ANKIB1: variants seen among roughly 807,000 people sequenced by gnomAD.
The protein encoded by ANKIB1 is ankyrin repeat and IBR domain containing 1.
In ANKIB1, 43 loss-of-function variants were observed where a neutral mutation model predicts 122.1. The ratio of observed to expected loss-of-function variants is 0.35; its 90% CI spans 0.28 to 0.45. ANKIB1 has a LOEUF of 0.45. Ranked by LOEUF, ANKIB1 falls within the 20% of genes least tolerant of loss-of-function variation. The probability of loss-of-function intolerance (pLI) is 1.00; values close to 1 mark genes in which losing one functional copy is unlikely to be tolerated. For missense variants in ANKIB1, 992 were observed against 1,329.5 expected (o/e 0.75, Z 3.95); for synonymous variants, 390 against 442.0 (o/e 0.88, Z 1.48).
chr7:92,369,160 G>A (rs1157097008), intron 10 of ANKIB1, among the ~76,000 whole-genome samples: 2 of 152,086 alleles, frequency 1.3e-5, no homozygotes, highest in East Asian at 3.8e-4. Flanking sequence ...CCACAGCTTG[G>A]CCTTATTAGC....
intron 1 of ANKIB1, among the ~76,000 whole-genome samples, chr7:92,279,096 A>T (rs1316318601): frequency 6.6e-6 from 1 of 152,182 alleles, no homozygotes; most frequent in African/African-American, 2.4e-5. Flanking sequence ...TACAGCCTAG[A>T]TCCTTTGTGT....
At chr7:92,369,041 T>G (rs2115630212) in intron 10 of ANKIB1, among the ~76,000 whole-genome samples, 1 of 152,328 alleles carries the variant, frequency 6.6e-6, no homozygotes, top group East Asian at 1.9e-4. Flanking sequence ...ATGTTGATGC[T>G]GAAAGAAGAA....
intron 4 of ANKIB1, among the ~76,000 whole-genome samples, chr7:92,326,204 T>C (rs1803024684): frequency 6.6e-6 from 1 of 152,218 alleles, no homozygotes; most frequent in Non-Finnish European, 1.5e-5. Flanking sequence ...AGTTTAAAAC[T>C]GCGTGCATTT....
At chr7:92,248,892 T>C (rs867009138) in intron 1 of ANKIB1, among the ~76,000 whole-genome samples, 40 of 146,328 alleles carry the variant, frequency 2.7e-4, no homozygotes, top group African/African-American at 9.5e-4. Context: ...TTCTTTCTTT[T>C]TTTTTTTTTT....
intron 1 of ANKIB1, among the ~76,000 whole-genome samples, chr7:92,266,418 T>C (rs1443477439): frequency 6.6e-6 from 1 of 152,160 alleles, no homozygotes; most frequent in Admixed American, 6.5e-5. Context: ...GAGCAACCAT[T>C]ACCACTAGGC....
rs556026348 is a variant in ANKIB1, at chr7:92,358,333, C to G, written c.1398-3852C>G. Among the ~76,000 whole-genome samples the G allele has an allele frequency of 1.2e-3, 177 of 152,110 alleles. 1 individual carries two copies. The highest frequency in any genetic ancestry group is 4.0e-3 in the African/African-American group (167 of 41,508). ...ATAAGCTGCTGCTTTTTTTTATATC[C>G]TTTCTTAGTATTGCATTGGAAACTG... On this transcript the variant is annotated intron_variant, in intron 9 of 19. Transcript: ENST00000265742.
intron 4 of ANKIB1, 112 bp from the exon 5 acceptor site, chr7:92,327,671 G>A (rs967740722): frequency 1.5e-5 from 7 of 457,104 alleles, no homozygotes; most frequent in South Asian, 1.2e-4. Flanking sequence ...GATCCAATCC[G>A]TGGAATGTGG....
At chr7:92,266,986 G>A (rs60522228) in intron 1 of ANKIB1, among the ~76,000 whole-genome samples, 22,111 of 152,094 alleles carry the variant, frequency 0.15, 2,013 homozygotes, top group East Asian at 0.38. Flanking sequence ...GAGAGGCAGT[G>A]AGTTGACAGT....
chr7:92,384,988 TG>T (rs1436595162), intron 11 of ANKIB1, among the ~76,000 whole-genome samples: 4 of 152,336 alleles, frequency 2.6e-5, no homozygotes, highest in African/African-American at 9.6e-5. Context: ...ATTACCCATC[TG>T]ACAAGGGGCT....
At chr7:92,284,378 A>T (rs1295943206) in intron 1 of ANKIB1, among the ~76,000 whole-genome samples, 1 of 152,134 alleles carries the variant, frequency 6.6e-6, no homozygotes, top group African/African-American at 2.4e-5. Flanking sequence ...GGCCTTCTTT[A>T]TTGTCAGTTG....
intron 4 of ANKIB1, among the ~76,000 whole-genome samples, chr7:92,325,188 G>T (rs1332746731): frequency 6.6e-6 from 1 of 152,180 alleles, no homozygotes; most frequent in Non-Finnish European, 1.5e-5. Flanking sequence ...GCAATATGCT[G>T]CTATGAAAGC....
At chr7:92,312,881 TGA>T (rs1394323510) in intron 3 of ANKIB1, among the ~76,000 whole-genome samples, 1 of 152,142 alleles carries the variant, frequency 6.6e-6, no homozygotes, top group Non-Finnish European at 1.5e-5. Context: ...TCTTAGTTAC[TGA>T]GAGTTTTTGT....
At chr7:92,393,963 G>A (rs191751414) in intron 17 of ANKIB1, among the ~76,000 whole-genome samples, 20 of 152,134 alleles carry the variant, frequency 1.3e-4, no homozygotes, top group Admixed American at 9.8e-4. Context: ...ATTTTTTTCA[G>A]TGAAGTTAAT....
Position 92,398,784 on chromosome 7 carries a change from C to G in ANKIB1, c.3105C>G (p.Thr1035=). ...EDASVSEGRG[T]QIEENPLEEN... ...CCAGTGTCAGTGAAGGTAGAGGAAC[C>G]CAGATAGAAGAAAATCCTTTGGAAG... The change falls in exon 20 of 20, where the codon ACC becomes ACG. Residue 1035 remains threonine, a synonymous_variant. Coordinates refer to ENST00000265742, the MANE Select transcript of ANKIB1 (RefSeq NM_019004.2). 6.2e-7 allele frequency: 1 copy of G among 1,611,946 alleles called. No homozygotes were observed. Among genetic ancestry groups the G allele is most frequent in the Non-Finnish European group, 8.5e-7 (1 of 1,179,000 alleles).
intron 1 of ANKIB1, among the ~76,000 whole-genome samples, chr7:92,266,628 G>A (rs1801676370): frequency 6.6e-6 from 1 of 152,146 alleles, no homozygotes; most frequent in African/African-American, 2.4e-5. Flanking sequence ...GAACTCACTG[G>A]GGGCACTGTG....
intron 3 of ANKIB1, among the ~76,000 whole-genome samples, chr7:92,315,673 A>G (rs940834271): frequency 6.6e-6 from 1 of 152,184 alleles, no homozygotes; most frequent in Non-Finnish European, 1.5e-5. Flanking sequence ...TGCTGCAGAA[A>G]GCTAAAGGAA....
chr7:92,282,606 C>T (rs879849575), intron 1 of ANKIB1, among the ~76,000 whole-genome samples: 9 of 151,990 alleles, frequency 5.9e-5, no homozygotes, highest in Non-Finnish European at 7.4e-5. Context: ...ATAGAGATGC[C>T]GAAGTTACTA....
At chr7:92,301,240 CT>C (rs1342895334) in intron 2 of ANKIB1, among the ~76,000 whole-genome samples, 2 of 152,070 alleles carry the variant, frequency 1.3e-5, no homozygotes, top group Admixed American at 6.6e-5. Flanking sequence ...TATGGTAGTT[CT>C]GTTTTTAATG....
chr7:92,278,473 C>A (rs897115111), intron 1 of ANKIB1, among the ~76,000 whole-genome samples: 1 of 152,060 alleles, frequency 6.6e-6, no homozygotes, highest in African/African-American at 2.4e-5. Context: ...AAAAACAAAT[C>A]ATTTCCTATG....
Sources: gnomAD v4.1 joint callset for allele counts (sites outside exome capture counted in the v4.1 genomes callset) on GRCh38, gnomAD v4.1.1 for gene constraint, MANE v1.5 for transcripts, NCBI Gene and HGNC (gene_info 2026-07-23, HGNC 2026-07-21) for gene names.